EYA3: variants seen among roughly 807,000 people sequenced by gnomAD.
The protein encoded by EYA3 is EYA transcriptional coactivator and phosphatase 3, also known as protein phosphatase EYA3.
A neutral mutation model predicts 80.0 loss-of-function variants in EYA3; 39 were observed. The ratio of observed to expected loss-of-function variants is 0.49; its 90% CI spans 0.38 to 0.64. EYA3 has a LOEUF of 0.64. Ranked by LOEUF, EYA3 falls within the 30% of genes least tolerant of loss-of-function variation. The pLI, the probability that EYA3 is intolerant of heterozygous loss-of-function variation, is 0.00. For missense variants in EYA3, 523 were observed against 676.1 expected (o/e 0.77, Z 2.51); for synonymous variants, 206 against 232.8 (o/e 0.88, Z 1.05).
At chr1:28,073,683 G>A (rs964090845) in intron 1 of EYA3, among the ~76,000 whole-genome samples, 54 of 151,998 alleles carry the variant, frequency 3.6e-4, no homozygotes, top group African/African-American at 1.2e-3. Context: ...TGATCCACCC[G>A]CCTTGGCCTC....
At chr1:27,980,834 T>G (rs1349418507) in intron 16 of EYA3, among the ~76,000 whole-genome samples, 1 of 152,032 alleles carries the variant, frequency 6.6e-6, no homozygotes, top group Admixed American at 6.6e-5. Context: ...AGCACAAGAG[T>G]TTGAGATTAG....
chr1:28,035,110 G>A (rs1204421479), intron 6 of EYA3, among the ~76,000 whole-genome samples: 5 of 152,052 alleles, frequency 3.3e-5, no homozygotes, highest in Non-Finnish European at 7.4e-5. Context: ...TCAGTTTTGG[G>A]TGGGGTTAGG....
intron 16 of EYA3, 71 bp from the exon 17 acceptor site, chr1:27,978,545 G>T: frequency 7.6e-7 from 1 of 1,322,620 alleles, no homozygotes. Context: ...GAGGGCTGCT[G>T]CTAGGTTCAC....
intron 2 of EYA3, among the ~76,000 whole-genome samples, chr1:28,052,256 G>A (rs745746431): frequency 6.6e-6 from 1 of 152,034 alleles, no homozygotes; most frequent in African/African-American, 2.4e-5. Flanking sequence ...TGCCCACCTC[G>A]GCCTCCCAAA....
At chr1:28,011,511 A>G (rs1236838939) in intron 9 of EYA3, among the ~76,000 whole-genome samples, 4 of 152,238 alleles carry the variant, frequency 2.6e-5, no homozygotes, top group African/African-American at 9.6e-5. Context: ...ACTAGATGCC[A>G]GAAGCACCGC....
intron 16 of EYA3, among the ~76,000 whole-genome samples, chr1:27,981,897 G>A (rs994687667): frequency 2.6e-5 from 4 of 152,036 alleles, no homozygotes; most frequent in Admixed American, 2.6e-4. Context: ...GAAGTACAGT[G>A]GCACAATCAT....
intron 2 of EYA3, among the ~76,000 whole-genome samples, chr1:28,055,334 T>C (rs1644397927): frequency 6.6e-6 from 1 of 152,158 alleles, no homozygotes; most frequent in Non-Finnish European, 1.5e-5. Flanking sequence ...TTCTTGCATT[T>C]TTAGAAGGTG....
At chr1:28,045,062 T>C (rs1222429302) in intron 3 of EYA3, among the ~76,000 whole-genome samples, 3 of 152,174 alleles carry the variant, frequency 2.0e-5, no homozygotes, top group South Asian at 2.1e-4. Context: ...TGAGCCACAG[T>C]GTCCAGCTTT....
At chr1:27,975,481 G>A (rs917815957) in intron 17 of EYA3, among the ~76,000 whole-genome samples, 5 of 146,952 alleles carry the variant, frequency 3.4e-5, no homozygotes, top group Admixed American at 3.4e-4. Flanking sequence ...TGTGCCTGGA[G>A]GCCATATTTT....
intron 3 of EYA3, among the ~76,000 whole-genome samples, chr1:28,046,302 T>C (rs1021670776): frequency 6.6e-6 from 1 of 152,088 alleles, no homozygotes; most frequent in Non-Finnish European, 1.5e-5. Context: ...GAAGAGATAA[T>C]TGCAGGAAAA....
intron 11 of EYA3, among the ~76,000 whole-genome samples, chr1:28,003,393 C>T (rs543550193): frequency 6.8e-4 from 103 of 152,134 alleles, no homozygotes; most frequent in Non-Finnish European, 6.5e-4. Flanking sequence ...CATTTGAACC[C>T]GAGAGGCAGA....
At chr1:28,076,678 A>G (rs1557650649) in intron 1 of EYA3, among the ~76,000 whole-genome samples, 1 of 55,948 alleles carries the variant, frequency 1.8e-5, no homozygotes, top group Non-Finnish European at 3.3e-5. Flanking sequence ...AAAAAAAAAA[A>G]AAAAGAAAGA....
chr1:27,973,864 A>G lies in EYA3; in HGVS notation c.*602T>C, dbSNP rs1638816396. On this transcript the variant is annotated 3_prime_UTR_variant, in exon 18 of 18. Transcript: ENST00000373871. The stretch of plus-strand genomic sequence containing the variant: ...AAAGTGGGGGAAACCTGCGTCAAAG[A>G]TCAGACCCTTACCTATAAAAATAAC... 6.6e-6 allele frequency: 1 copy of G among 152,214 alleles called. No individual in the cohort carries two copies. Among genetic ancestry groups the G allele is most frequent in the Non-Finnish European group, 1.5e-5 (1 of 68,040 alleles). The allele number at this position is 152,214 out of a possible 1,614,324, so 9.4% of individuals were successfully genotyped here.
chr1:28,016,288 G>A (rs1000867465), intron 8 of EYA3, among the ~76,000 whole-genome samples: 1 of 152,146 alleles, frequency 6.6e-6, no homozygotes, highest in African/African-American at 2.4e-5. Flanking sequence ...AGCACTTTGG[G>A]AGGCCAAGGC....
At chr1:28,006,134 C>A (rs754303006) in intron 10 of EYA3, among the ~76,000 whole-genome samples, 1 of 151,232 alleles carries the variant, frequency 6.6e-6, no homozygotes, top group Admixed American at 6.6e-5. Flanking sequence ...AACATCATAA[C>A]CAAGTGAGAT....
intron 6 of EYA3, among the ~76,000 whole-genome samples, chr1:28,033,155 A>G (rs923942420): frequency 6.6e-6 from 1 of 152,196 alleles, no homozygotes; most frequent in Non-Finnish European, 1.5e-5. Flanking sequence ...CGAATTAGCT[A>G]ATCTGAAAAC....
chr1:28,054,956 A>T (rs1443440243), intron 2 of EYA3, among the ~76,000 whole-genome samples: 1 of 152,214 alleles, frequency 6.6e-6, no homozygotes, highest in East Asian at 1.9e-4. Flanking sequence ...ACTAGTGCTA[A>T]CTTAATGCTG....
chr1:27,999,995 C>G lies in EYA3; in HGVS notation c.1048G>C (p.Val350Leu). 1 of 1,611,326 alleles carries G rather than the reference C, an allele frequency of 6.2e-7. No individual in the cohort carries two copies. The highest frequency in any genetic ancestry group is 1.7e-5 in the Admixed American group (1 of 59,584). The change falls in exon 12 of 18, where the codon GTG (valine) becomes CTG (leucine). Residue 350 changes from valine to leucine, a missense_variant. Around this residue, in one of 2 missense-constraint regions of EYA3, gnomAD observed 219 missense variants for 332.8 expected, o/e 0.66. Transcript: ENST00000373871. The stretch of plus-strand genomic sequence containing the variant: ...TTGAAAAATAGATGAGTATCAGCCA[C>G]TTCAAAAATCATTTCTTCCATTGTT... ...GLTMEEMIFE[V>L]ADTHLFFNDL...
chr1:28,076,682 A>AG (rs1472506826), intron 1 of EYA3, among the ~76,000 whole-genome samples: 1 of 38,308 alleles, frequency 2.6e-5, no homozygotes, highest in African/African-American at 1.2e-4. Flanking sequence ...AAAAAAAAAA[A>AG]GAAAGAAAGA....
Sources: allele counts gnomAD v4.1 joint callset (sites outside exome capture counted in the v4.1 genomes callset), GRCh38; gene constraint gnomAD v4.1.1; regional missense constraint gnomAD v4.1.1; transcripts MANE v1.5; gene names NCBI Gene and HGNC (gene_info 2026-07-23, HGNC 2026-07-21).